PIEZO2: variants seen among roughly 807,000 people sequenced by gnomAD.
PIEZO2 encodes the protein piezo-type mechanosensitive ion channel component 2.
PIEZO2 carries 172 observed loss-of-function variants against 337.3 expected under a neutral mutation model. That is an observed-to-expected ratio of 0.51 (90% CI 0.45 to 0.58). The LOEUF (loss-of-function observed/expected upper bound fraction) is 0.58. Among genes scored for constraint, PIEZO2 ranks in the 20% least tolerant of loss-of-function variants. The pLI is 0.00. For missense variants in PIEZO2, 3,028 were observed against 3,391.3 expected (o/e 0.89, Z 2.66); for synonymous variants, 1,251 against 1,228.5 (o/e 1.02, Z -0.38).
intron 1 of PIEZO2, among the ~76,000 whole-genome samples, chr18:11,117,305 A>G (rs1468052363): frequency 6.6e-6 from 1 of 152,202 alleles, no homozygotes; most frequent in Non-Finnish European, 1.5e-5. Context: ...AAAATCAAAT[A>G]AATCAAAATC....
rs1243372461 is a variant in PIEZO2, at chr18:11,143,639, A to ACTCT, written c.64+4882_64+4885dup. 1.4e-3 allele frequency among the ~76,000 whole-genome samples: 128 copies of ACTCT among 92,832 alleles called. No individual in the cohort carries two copies. The highest frequency in any genetic ancestry group is 4.4e-3 in the African/African-American group (82 of 18,798). 60.9% of individuals were successfully genotyped at this position (92,832 alleles called of 152,430 possible). The stretch of plus-strand genomic sequence containing the variant: ...CACACACACACACACACACACACAC[A>ACTCT]CTCTCTCTCTCTCTCTCTCTCTCTC... On this transcript the variant is annotated intron_variant, in intron 1 of 55. Coordinates refer to ENST00000674853, the MANE Select transcript of PIEZO2 (RefSeq NM_001378183.1). This position sits in a 1 kb window ranked among gnomAD's most constrained non-coding sequence, Gnocchi z 4.9.
At position 10,866,506 on chromosome 18, in the gene PIEZO2, C is replaced by T. The variant is rs190890597; in HGVS notation, c.492+4747G>A. Among the ~76,000 whole-genome samples, 271 of 152,238 alleles carry T rather than the reference C, an allele frequency of 1.8e-3. 1 individual carries two copies. The highest frequency in any genetic ancestry group is 3.3e-3 in the Admixed American group (50 of 15,298). ...TTCACTGTGTTAGCCAGGATGGTCTCAATATCCCGACCTCGTGATCTGCCC... is the reference window on the plus strand; with the variant it reads ...TTCACTGTGTTAGCCAGGATGGTCTTAATATCCCGACCTCGTGATCTGCCC... On this transcript the variant is annotated intron_variant, in intron 5 of 55. Coordinates refer to ENST00000674853, the MANE Select transcript of PIEZO2 (RefSeq NM_001378183.1).
chr18:10,704,596 C>A lies in PIEZO2; in HGVS notation c.6056G>T (p.Arg2019Leu), dbSNP rs779854352. ...ESEKFYVGQPRFLLLFYAMYN... is the reference protein window; with the variant it reads ...ESEKFYVGQPLFLLLFYAMYN... ...CATGGCATAGAAGAGCAGCAGAAAT[C>A]GGGGCTGCCCCACGTAGAATTTCTC... The change falls in exon 42 of 56, where the codon CGA becomes CTA. Residue 2019 changes from arginine to leucine, a missense_variant. Around this residue, in one of 5 missense-constraint regions of PIEZO2, gnomAD observed 1,925 missense variants for 2,051.9 expected, o/e 0.94. Coordinates refer to ENST00000674853, the MANE Select transcript of PIEZO2 (RefSeq NM_001378183.1). The A allele has an allele frequency of 2.2e-5, 34 of 1,537,156 alleles. No homozygotes were observed. The highest frequency in any genetic ancestry group is 2.9e-5 in the Non-Finnish European group (33 of 1,146,912).
At position 10,989,019 on chromosome 18, in the gene PIEZO2, T is replaced by C. The variant is rs375163920; in HGVS notation, c.161-9359A>G. Reference sequence around the variant, plus strand: ...AGTTCTGAAGATCTACTATACAGCATAGTGATTATAGATAACAATACTGTA... The same window carrying C: ...AGTTCTGAAGATCTACTATACAGCACAGTGATTATAGATAACAATACTGTA... On this transcript the variant is annotated intron_variant, in intron 2 of 55. Coordinates refer to ENST00000674853, the MANE Select transcript of PIEZO2 (RefSeq NM_001378183.1). Among the ~76,000 whole-genome samples the C allele has an allele frequency of 7.9e-5, 12 of 152,270 alleles. No individual in the cohort carries two copies. In the East Asian group the frequency reaches 1.2e-3, roughly 15 times the overall value.
Position 10,784,803 on chromosome 18 carries a change from C to T in PIEZO2, c.2473G>A (p.Glu825Lys), listed in dbSNP as rs1356710306. The change falls in exon 17 of 56, where the codon GAA becomes AAA. Residue 825 changes from glutamate to lysine, a missense_variant. Transcript: ENST00000674853. This position sits in a 1 kb window ranked among gnomAD's most constrained non-coding sequence, Gnocchi z 4.5. Reference protein sequence around the residue: ...LTDLKSIPSKEDNTIYSHAKV... With the variant: ...LTDLKSIPSKKDNTIYSHAKV... ...GCTCACCTGTAGATGGTGTTGTCTTCTTTGCTGGGAATGGACTTGAGGTCT... is the reference window on the plus strand; with the variant it reads ...GCTCACCTGTAGATGGTGTTGTCTTTTTTGCTGGGAATGGACTTGAGGTCT... 6.5e-7 allele frequency: 1 copy of T among 1,536,952 alleles called. No homozygotes were observed. The highest frequency in any genetic ancestry group is 1.4e-5 in the African/African-American group (1 of 73,132).
At chr18:10,710,577 C>T (rs545233241) in intron 39 of PIEZO2, among the ~76,000 whole-genome samples, 25 of 152,256 alleles carry the variant, frequency 1.6e-4, no homozygotes, top group African/African-American at 5.1e-4. Context: ...TGACTATTCT[C>T]GTAAGTCAAA....
At chr18:10,939,669 A>T (rs537116835) in intron 3 of PIEZO2, among the ~76,000 whole-genome samples, 1 of 152,248 alleles carries the variant, frequency 6.6e-6, no homozygotes, top group African/African-American at 2.4e-5. Flanking sequence ...ACACAGGAAC[A>T]GAAAACCAAA....
rs1384221345 is a variant in PIEZO2 at position 11,104,585 on chromosome 18, C to T, written c.65-38363G>A. Among the ~76,000 whole-genome samples the T allele has an allele frequency of 6.6e-6, 1 of 152,204 alleles. No individual in the cohort carries two copies. On this transcript the variant is annotated intron_variant, in intron 1 of 55. Transcript: ENST00000674853. This position sits in a 1 kb window ranked among gnomAD's most constrained non-coding sequence, Gnocchi z 4.6. The stretch of plus-strand genomic sequence containing the variant: ...CAAGCAGACTGGCTAGAAGGGCTGC[C>T]ACATGGTCAGCCACATTCTCTTCTC...
At chr18:10,881,346 G>C (rs1362932657) in intron 4 of PIEZO2, among the ~76,000 whole-genome samples, 4 of 152,080 alleles carry the variant, frequency 2.6e-5, no homozygotes, top group Admixed American at 6.5e-5. Flanking sequence ...ATTTCCATTT[G>C]GAACACACAG....
chr18:10,696,690 G>C (rs947827434), intron 45 of PIEZO2, 151 bp from the exon 46 acceptor site: 16 of 872,776 alleles, frequency 1.8e-5, no homozygotes, highest in Non-Finnish European at 2.8e-5. Context: ...TAGTCCCGCT[G>C]TGGACAGCTC....
chr18:11,138,265 G>T (rs1358890522), intron 1 of PIEZO2, among the ~76,000 whole-genome samples: 1 of 152,130 alleles, frequency 6.6e-6, no homozygotes, highest in Non-Finnish European at 1.5e-5. Context: ...CAATCCAAAA[G>T]ATATAGTGTT....
rs1488652379 is a variant in PIEZO2, at chr18:11,104,088, G to C, written c.65-37866C>G. Among the ~76,000 whole-genome samples the C allele has an allele frequency of 1.3e-5, 2 of 152,144 alleles. No individual in the cohort carries two copies. The highest frequency in any genetic ancestry group is 3.9e-4 in the East Asian group (2 of 5,190). ...TCCAGTTGAAGACAATAGTGTAATA[G>C]GATGTTAAAATTGGATTCTTCTTAT... is the stretch of plus-strand genomic sequence containing the variant. On this transcript the variant is annotated intron_variant, in intron 1 of 55. Coordinates refer to ENST00000674853, the MANE Select transcript of PIEZO2 (RefSeq NM_001378183.1). The surrounding 1 kb of genome is among the most constrained non-coding windows in gnomAD (Gnocchi z 4.6).
chr18:10,922,075 G>A (rs143238663), intron 3 of PIEZO2, among the ~76,000 whole-genome samples: 3,297 of 152,062 alleles, frequency 0.022, 84 homozygotes, highest in African/African-American at 0.062. Flanking sequence ...CCCTGCCTCC[G>A]TTTGCCTTGT....
At chr18:11,045,230 G>A (rs1010447420) in intron 2 of PIEZO2, among the ~76,000 whole-genome samples, 2 of 146,294 alleles carry the variant, frequency 1.4e-5, no homozygotes, top group Non-Finnish European at 3.0e-5. Flanking sequence ...GAACCCGGGA[G>A]GCAGAGCTTG....
At chr18:10,871,181 A>G in intron 5 of PIEZO2, 72 bp downstream of exon 5, 2 of 1,402,184 alleles carry the variant, frequency 1.4e-6, no homozygotes, top group South Asian at 2.7e-5. Flanking sequence ...TGTTATTATC[A>G]TAGTTCTGCA....
chr18:11,022,708 A>G (rs2036356720), intron 2 of PIEZO2, among the ~76,000 whole-genome samples: 1 of 152,238 alleles, frequency 6.6e-6, no homozygotes, highest in Admixed American at 6.5e-5. Flanking sequence ...TAAGGGGGAC[A>G]GAATTCAGTT....
At chr18:10,923,152 A>G (rs2031528728) in intron 3 of PIEZO2, among the ~76,000 whole-genome samples, 1 of 152,116 alleles carries the variant, frequency 6.6e-6, no homozygotes, top group Admixed American at 6.5e-5. Flanking sequence ...TAAGCATTAC[A>G]TTTGCCCAGA....
At chr18:10,879,935 G>A (rs1484714237) in intron 4 of PIEZO2, among the ~76,000 whole-genome samples, 2 of 152,182 alleles carry the variant, frequency 1.3e-5, no homozygotes, top group Non-Finnish European at 2.9e-5. Flanking sequence ...TGAAAAAAAT[G>A]AGAAATATGC....
At chr18:10,907,607 T>C (rs1449149879) in intron 4 of PIEZO2, among the ~76,000 whole-genome samples, 1 of 152,180 alleles carries the variant, frequency 6.6e-6, no homozygotes, top group Non-Finnish European at 1.5e-5. Flanking sequence ...ATTTGTTGTA[T>C]TAAGCCACCA....
Sources: allele counts gnomAD v4.1 joint callset (sites outside exome capture counted in the v4.1 genomes callset), GRCh38; gene constraint gnomAD v4.1.1; regional missense constraint gnomAD v4.1.1; non-coding constraint Gnocchi (gnomAD v3.1); transcripts MANE v1.5; gene names NCBI Gene and HGNC (gene_info 2026-07-23, HGNC 2026-07-21).